ATP6V0A2: variants seen among roughly 807,000 people sequenced by gnomAD.
ATP6V0A2 encodes ATPase H+ transporting V0 subunit a2, also known as V-type proton ATPase 116 kDa subunit a 2.
In ATP6V0A2, 58 loss-of-function variants were observed where a neutral mutation model predicts 104.4. The observed-to-expected ratio is 0.56, with a 90% CI of 0.45 to 0.69. ATP6V0A2 has a LOEUF of 0.69. Ranked by LOEUF, ATP6V0A2 falls within the 30% of genes least tolerant of loss-of-function variation. The pLI is 0.00. For synonymous variants in ATP6V0A2, 376 were observed against 397.9 expected, an observed-to-expected ratio of 0.95 and a Z score of 0.65; for missense variants, 938 against 1,062.9, an observed-to-expected ratio of 0.88 and a Z score of 1.63.
chr12:123,744,465 G>A lies in ATP6V0A2; in HGVS notation c.1326+128G>A. 6.4e-7 allele frequency: 1 copy of A among 1,556,566 alleles called. No individual in the cohort carries two copies. The highest frequency in any genetic ancestry group is 1.4e-5 in the African/African-American group (1 of 73,796). On this transcript the variant is annotated intron_variant, in intron 11 of 19. Transcript: ENST00000330342. This position sits in a 1 kb window ranked among gnomAD's most constrained non-coding sequence, Gnocchi z 5.4. ...TGGGCAGGTGTGTGGCCTGTCAGCT[G>A]CGGCTGACAGGGATGTCTGCGGGGC...
At chr12:123,753,688 C>G (rs904729229) in intron 17 of ATP6V0A2, among the ~76,000 whole-genome samples, 1 of 152,214 alleles carries the variant, frequency 6.6e-6, no homozygotes, top group African/African-American at 2.4e-5. Context: ...CGAGGCTGGA[C>G]AGGGAAGTAG....
chr12:123,737,271 G>T lies in ATP6V0A2; in HGVS notation c.1038G>T (p.Ser346=), dbSNP rs147411055. ...QDLRRALEEG[S]RESGATIPSF... Reference sequence around the variant, plus strand: ...TGCGCCGGGCACTGGAGGAGGGCTCGGTAAGGCTGCCTTCCTCTCCTCTGC... The same window carrying T: ...TGCGCCGGGCACTGGAGGAGGGCTCTGTAAGGCTGCCTTCCTCTCCTCTGC... The change falls in exon 9 of 20, where the codon TCG becomes TCT. Residue 346 remains serine (S), a splice_region_variant and synonymous_variant. Transcript: ENST00000330342. 18 of 1,613,908 alleles carry T rather than the reference G, an allele frequency of 1.1e-5. No individual in the cohort carries two copies. The highest frequency in any genetic ancestry group is 1.1e-4 in the South Asian group (10 of 91,052).
intron 8 of ATP6V0A2, among the ~76,000 whole-genome samples, chr12:123,736,616 A>C (rs754276896): frequency 6.6e-6 from 1 of 152,182 alleles, no homozygotes; most frequent in African/African-American, 2.4e-5. Context: ...GTTGGCATGA[A>C]GTGTCCTTCT....
intron 3 of ATP6V0A2, chr12:123,724,224 G>A (rs1259844111): frequency 6.5e-6 from 1 of 153,138 alleles, no homozygotes; most frequent in Admixed American, 6.6e-5. Flanking sequence ...TGAGTAGCTG[G>A]GATTACAGGC....
chr12:123,741,321 C>T (rs1403255107), intron 9 of ATP6V0A2, among the ~76,000 whole-genome samples: 4 of 151,892 alleles, frequency 2.6e-5, no homozygotes, highest in Admixed American at 1.3e-4. Flanking sequence ...CATGGTGGCA[C>T]GTGCCTGTTA....
intron 8 of ATP6V0A2, 117 bp downstream of exon 8, chr12:123,735,741 A>G: frequency 1.1e-6 from 1 of 935,036 alleles, no homozygotes; most frequent in Non-Finnish European, 1.7e-6. Flanking sequence ...AAGATGTTCT[A>G]GTGAGATTGG....
rs1956711258 is a variant in ATP6V0A2, at chr12:123,751,234, GTGCGGGT to G, written c.2055+7_2055+13del. 6.2e-7 allele frequency: 1 copy of G among 1,614,098 alleles called. No individual in the cohort carries two copies. Among genetic ancestry groups the G allele is most frequent in the Non-Finnish European group, 8.5e-7 (1 of 1,180,038 alleles). ...AGTTGCTTCGGGGTGAACCGGGTAAGTGCGGGTTTGGATGCATTTACAACTGTGAGCA... is the reference window on the plus strand; with the variant it reads ...AGTTGCTTCGGGGTGAACCGGGTAAGTTGGATGCATTTACAACTGTGAGCA... On this transcript the variant is annotated splice_donor_region_variant and intron_variant, in intron 16 of 19. Transcript: ENST00000330342.
intron 3 of ATP6V0A2, 70 bp downstream of exon 3, chr12:123,722,518 T>G (rs185670969): frequency 1.2e-5 from 11 of 899,414 alleles, no homozygotes; most frequent in African/African-American, 9.8e-5. Context: ...TATTTCATGT[T>G]GTCTAATGCT....
intron 18 of ATP6V0A2, among the ~76,000 whole-genome samples, chr12:123,755,101 G>A (rs955645393): frequency 7.2e-5 from 11 of 152,190 alleles, no homozygotes; most frequent in Non-Finnish European, 1.6e-4. Flanking sequence ...CGTGCAGTTA[G>A]GTGCAGGTGC....
intron 3 of ATP6V0A2, 103 bp from the exon 4 acceptor site, chr12:123,724,549 AAC>A: frequency 7.6e-7 from 1 of 1,310,802 alleles, no homozygotes; most frequent in South Asian, 1.3e-5. Context: ...AAAAGAAAAA[AAC>A]AAAACAAAAA....
At chr12:123,723,650 G>C (rs2135886239) in intron 3 of ATP6V0A2, 1 of 151,892 alleles carries the variant, frequency 6.6e-6, no homozygotes, top group African/African-American at 2.4e-5. Context: ...TAGTAGAGAT[G>C]GGGTTTTACC....
At chr12:123,715,415 AT>A (rs940460110) in intron 1 of ATP6V0A2, among the ~76,000 whole-genome samples, 3 of 152,114 alleles carry the variant, frequency 2.0e-5, no homozygotes, top group African/African-American at 7.2e-5. Context: ...TGAAATGAGA[AT>A]TTTTACCTTT....
chr12:123,745,720 A>G (rs1326282108), intron 13 of ATP6V0A2, among the ~76,000 whole-genome samples: 1 of 152,046 alleles, frequency 6.6e-6, no homozygotes, highest in African/African-American at 2.4e-5. Context: ...AAAAAAAAAA[A>G]AAAGAAAATG....
In ATP6V0A2 at chr12:123,724,556, CA is replaced by C. The variant is rs962598993; in HGVS notation, c.295-91del. On this transcript the variant is annotated intron_variant, in intron 3 of 19. Coordinates refer to ENST00000330342, the MANE Select transcript of ATP6V0A2 (RefSeq NM_012463.4). ...AAAAAAAAAAAAGAAAAAAACAAAA[CA>C]AAAAAACCCACTGTTTTTGGTATAC... The C allele has an allele frequency of 5.1e-6, 6 of 1,187,302 alleles. No individual in the cohort carries two copies. The African/African-American group carries it at 6.3e-5, about 12-fold the overall frequency. 73.5% of individuals were successfully genotyped at this position (1,187,302 alleles called of 1,614,324 possible). A position where few individuals can be genotyped will look rare whatever the true frequency, so the allele number is the denominator to read the frequency against.
At chr12:123,735,763 C>G (rs1435288579) in intron 8 of ATP6V0A2, 139 bp downstream of exon 8, 1 of 776,214 alleles carries the variant, frequency 1.3e-6, no homozygotes, top group Non-Finnish European at 2.2e-6. Context: ...ATGTTGCTTC[C>G]CTCCCTCCTC....
intron 19 of ATP6V0A2, 107 bp downstream of exon 19, chr12:123,757,093 T>A: frequency 8.3e-7 from 1 of 1,202,586 alleles, no homozygotes; most frequent in Non-Finnish European, 1.2e-6. Flanking sequence ...TAATGCTGAA[T>A]TTAGGCCAGT....
rs1295146096 is a variant in ATP6V0A2, at chr12:123,759,980, C to T, written c.*1948C>T. 3 of 152,178 alleles carry T rather than the reference C, an allele frequency of 2.0e-5. No individual in the cohort carries two copies. Among genetic ancestry groups the T allele is most frequent in the Admixed American group, 2.0e-4 (3 of 15,274 alleles). The allele number at this position is 152,178 out of a possible 1,614,324, so 9.4% of individuals were successfully genotyped here. A position where few individuals can be genotyped will look rare whatever the true frequency, so the allele number is the denominator to read the frequency against. On this transcript the variant is annotated 3_prime_UTR_variant, in exon 20 of 20. Coordinates refer to ENST00000330342, the MANE Select transcript of ATP6V0A2 (RefSeq NM_012463.4). ...CTTGTGTTGGGTGACTATGACATCCCAGCAGTGCTGGTCAGGTCTCAGAGT... is the reference window on the plus strand; with the variant it reads ...CTTGTGTTGGGTGACTATGACATCCTAGCAGTGCTGGTCAGGTCTCAGAGT...
intron 8 of ATP6V0A2, among the ~76,000 whole-genome samples, chr12:123,736,148 C>T (rs2135900539): frequency 6.7e-6 from 1 of 150,012 alleles, no homozygotes; most frequent in South Asian, 2.1e-4. Context: ...GCTGGGATTA[C>T]AGGTGTGAGC....
At position 123,726,322 on chromosome 12, in the gene ATP6V0A2, G is replaced by A. The variant is rs1485730010; in HGVS notation, c.521+37G>A. On this transcript the variant is annotated intron_variant, in intron 5 of 19. Transcript: ENST00000330342. ...GGCCTGGGGTGTCAGGCTTCATACT[G>A]CCCTTCTTGTAAAAGGCAGATGAGC... 4 of 1,472,982 alleles carry A rather than the reference G, an allele frequency of 2.7e-6. No homozygotes were observed. The African/African-American group carries it at 5.6e-5, about 20-fold the overall frequency. 91.2% of individuals were successfully genotyped at this position (1,472,982 alleles called of 1,614,324 possible). A position where few individuals can be genotyped will look rare whatever the true frequency, so the allele number is the denominator to read the frequency against.
Sources: allele counts gnomAD v4.1 joint callset (sites outside exome capture counted in the v4.1 genomes callset), GRCh38; gene constraint gnomAD v4.1.1; non-coding constraint Gnocchi (gnomAD v3.1); transcripts MANE v1.5; gene names NCBI Gene and HGNC (gene_info 2026-07-23, HGNC 2026-07-21).